GOLGA8B: variants seen among roughly 807,000 people sequenced by gnomAD.
GOLGA8B encodes golgin A8 family member B.
Under a neutral mutation model 15.6 loss-of-function variants are expected in GOLGA8B, and 1 was observed. The ratio of observed to expected loss-of-function variants is 0.06; its 90% CI spans 0.02 to 0.30. The LOEUF is 0.30. GOLGA8B is among the 10% of genes least tolerant of loss of function. The pLI, the probability that GOLGA8B is intolerant of heterozygous loss-of-function variation, is 1.00. For synonymous variants in GOLGA8B, 9 were observed against 80.3 expected (o/e 0.11, Z 4.75); for missense variants, 17 against 201.3 (o/e 0.08, Z 5.54).
chr15:34,567,180 G>A (rs1170778971), intron 1 of GOLGA8B, among the ~76,000 whole-genome samples: 5 of 139,306 alleles, frequency 3.6e-5, no homozygotes, highest in South Asian at 2.3e-4. Context: ...CAGAGACACC[G>A]CAATGACCAT....
chr15:34,578,192 CAAG>C, intron 1 of GOLGA8B, among the ~76,000 whole-genome samples: 1 of 152,286 alleles, frequency 6.6e-6, no homozygotes, highest in Non-Finnish European at 1.5e-5. Context: ...ATTCTAGGGA[CAAG>C]AAGTGCTAAG....
At chr15:34,574,396 T>C (rs1392897026) in intron 1 of GOLGA8B, among the ~76,000 whole-genome samples, 2 of 151,698 alleles carry the variant, frequency 1.3e-5, no homozygotes, top group Non-Finnish European at 2.9e-5. Flanking sequence ...CTCAACCTCC[T>C]GGGCTTAAGC....
chr15:34,574,189 CATA>C (rs1331909960), intron 1 of GOLGA8B, among the ~76,000 whole-genome samples: 3 of 152,046 alleles, frequency 2.0e-5, no homozygotes, highest in Non-Finnish European at 4.4e-5. Context: ...TGAACCACAA[CATA>C]ATATTAGATG....
chr15:34,567,366 G>T (rs1423639771), intron 1 of GOLGA8B, among the ~76,000 whole-genome samples: 2 of 150,638 alleles, frequency 1.3e-5, no homozygotes, highest in Admixed American at 6.6e-5. Context: ...CGCCCCCTTT[G>T]CCCCCACTTC....
chr15:34,573,665 A>G (rs574390261), intron 1 of GOLGA8B, among the ~76,000 whole-genome samples: 70 of 152,204 alleles, frequency 4.6e-4, no homozygotes, highest in African/African-American at 1.6e-3. Context: ...GAATTGATGT[A>G]GATGGTTCCA....
intron 1 of GOLGA8B, among the ~76,000 whole-genome samples, chr15:34,577,370 G>A (rs1328457172): frequency 6.6e-6 from 1 of 151,974 alleles, no homozygotes; most frequent in Non-Finnish European, 1.5e-5. Context: ...AACCAACTGC[G>A]GGAAACCATA....
intron 1 of GOLGA8B, chr15:34,556,483 G>A: frequency 1.4e-6 from 1 of 701,734 alleles, no homozygotes; most frequent in Non-Finnish European, 2.6e-6. Flanking sequence ...GGGAACACCA[G>A]CGCTTCTGCC....
intron 1 of GOLGA8B, among the ~76,000 whole-genome samples, chr15:34,573,351 A>T (rs374160428): frequency 6.6e-6 from 1 of 152,222 alleles, no homozygotes; most frequent in East Asian, 1.9e-4. Flanking sequence ...ATCCTGGCTA[A>T]CACGGTGAAA....
rs1393994092 is a variant in GOLGA8B, at chr15:34,558,107, GAGA to G, written c.-1122-4154_-1122-4152del. Among the ~76,000 whole-genome samples, 433 of 124,392 alleles carry G rather than the reference GAGA, an allele frequency of 3.5e-3. 53 individuals are homozygous for G. The highest frequency in any genetic ancestry group is 0.033 in the Admixed American group (376 of 11,374). 81.6% of individuals were successfully genotyped at this position (124,392 alleles called of 152,430 possible). On this transcript the variant is annotated intron_variant, in intron 1 of 23. Transcript: ENST00000683415. ...AACTCCCCAGTCAACCTTCAGAGAA[GAGA>G]AGGTGATCTCTCTCCAGCTGAGACC...
chr15:34,547,260 C>T (rs1317024551), intron 4 of GOLGA8B, among the ~76,000 whole-genome samples: 1 of 26,510 alleles, frequency 3.8e-5, no homozygotes, highest in African/African-American at 3.0e-4. Context: ...TAGATTCCAT[C>T]GTTATTCCTT....
chr15:34,579,096 C>T (rs938027784), intron 1 of GOLGA8B, among the ~76,000 whole-genome samples: 2 of 151,984 alleles, frequency 1.3e-5, no homozygotes, highest in Admixed American at 6.6e-5. Context: ...CTCATGCGCA[C>T]ATTGCAGATG....
At chr15:34,567,230 TCAACATCCCTGGC>T (rs1230760453) in intron 1 of GOLGA8B, among the ~76,000 whole-genome samples, 1 of 144,550 alleles carries the variant, frequency 6.9e-6, no homozygotes, top group Non-Finnish European at 1.5e-5. Flanking sequence ...CACATCCTGG[TCAACATCCCTGGC>T]CAACAGGGCA....
At chr15:34,543,555 G>A (rs1179019602) in intron 7 of GOLGA8B, among the ~76,000 whole-genome samples, 1 of 103,430 alleles carries the variant, frequency 9.7e-6, no homozygotes, top group Non-Finnish European at 1.9e-5. Context: ...TTCCTTTCAC[G>A]TCTTCCTCAT....
chr15:34,581,419 C>T (rs1272654279), intron 1 of GOLGA8B: 1 of 152,232 alleles, frequency 6.6e-6, no homozygotes, highest in Admixed American at 6.5e-5. Context: ...GGTGTCTTAT[C>T]CCATCTCTAA....
chr15:34,583,345 G>A (rs1297902162), intron 1 of GOLGA8B, among the ~76,000 whole-genome samples, 171 bp downstream of exon 1: 1 of 152,074 alleles, frequency 6.6e-6, no homozygotes, highest in Non-Finnish European at 1.5e-5. Flanking sequence ...TGCACCCCTA[G>A]ATCCCAGCGG....
intron 1 of GOLGA8B, among the ~76,000 whole-genome samples, chr15:34,573,277 G>A (rs1888971186): frequency 6.6e-6 from 1 of 152,088 alleles, no homozygotes; most frequent in Non-Finnish European, 1.5e-5. Context: ...GGTGGCTCAC[G>A]CCTGTAATCG....
At position 34,565,105 on chromosome 15, in the gene GOLGA8B, C is replaced by T. The variant is rs1595707134; in HGVS notation, c.-1122-11149G>A. Among the ~76,000 whole-genome samples, 2 of 138,396 alleles carry T rather than the reference C, an allele frequency of 1.4e-5. 1 individual carries two copies. The highest frequency in any genetic ancestry group is 4.0e-4 in the East Asian group (2 of 5,024). The allele number at this position is 138,396 out of a possible 152,430, so 90.8% of individuals were successfully genotyped here. A position where few individuals can be genotyped will look rare whatever the true frequency, so the allele number is the denominator to read the frequency against. On this transcript the variant is annotated intron_variant, in intron 1 of 23. Coordinates refer to ENST00000683415, the MANE Select transcript of GOLGA8B (RefSeq NM_001023567.5). ...TGCTGTGGGGAGGAAGAATTTCCAGCTGCCAGGTCAGCCTCTTAGATCCAG... is the reference window on the plus strand; with the variant it reads ...TGCTGTGGGGAGGAAGAATTTCCAGTTGCCAGGTCAGCCTCTTAGATCCAG...
At chr15:34,572,779 C>T (rs1227170776) in intron 1 of GOLGA8B, among the ~76,000 whole-genome samples, 1 of 152,164 alleles carries the variant, frequency 6.6e-6, no homozygotes, top group Non-Finnish European at 1.5e-5. Context: ...ATTTCATAAT[C>T]AGAAACAGAT....
chr15:34,569,910 G>A (rs1446348919), intron 1 of GOLGA8B, among the ~76,000 whole-genome samples: 3 of 152,042 alleles, frequency 2.0e-5, no homozygotes, highest in Non-Finnish European at 4.4e-5. Context: ...CCTCCCCTGG[G>A]GCCATGGGTC....
Sources: allele counts gnomAD v4.1 joint callset (sites outside exome capture counted in the v4.1 genomes callset), GRCh38; gene constraint gnomAD v4.1.1; transcripts MANE v1.5; gene names NCBI Gene and HGNC (gene_info 2026-07-23, HGNC 2026-07-21).